The following PCMT1 variants were observed in gnomAD, a reference collection of about 807,000 sequenced individuals.
PCMT1 encodes the protein protein-L-isoaspartate (D-aspartate) O-methyltransferase, also known as protein-L-isoaspartate(D-aspartate) O-methyltransferase.
Under a neutral mutation model 29.2 loss-of-function variants are expected in PCMT1, and 9 were observed. The observed-to-expected ratio is 0.31, with a 90% CI of 0.19 to 0.54. The LOEUF (loss-of-function observed/expected upper bound fraction) is 0.54. PCMT1 is among the 20% of genes least tolerant of loss of function. The probability of loss-of-function intolerance (pLI) is 0.95; values close to 1 mark genes in which losing one functional copy is unlikely to be tolerated. For synonymous variants in PCMT1, 98 were observed against 97.5 expected (o/e 1.00, Z -0.03); for missense variants, 184 against 282.2 (o/e 0.65, Z 2.49).
chr6:149,769,308 CT>C (rs372773939), intron 1 of PCMT1, among the ~76,000 whole-genome samples: 157 of 71,502 alleles, frequency 2.2e-3, no homozygotes, highest in Middle Eastern at 7.8e-3. Flanking sequence ...GTGCAGGATT[CT>C]TTTTTTTTTT....
chr6:149,805,853 A>G (rs907342494), intron 7 of PCMT1, among the ~76,000 whole-genome samples: 2 of 151,780 alleles, frequency 1.3e-5, no homozygotes, highest in Non-Finnish European at 2.9e-5. Flanking sequence ...AGGCAGGAGA[A>G]TCACTTGAAC....
intron 3 of PCMT1, among the ~76,000 whole-genome samples, chr6:149,774,318 C>A (rs1787463998): frequency 6.6e-6 from 1 of 151,564 alleles, no homozygotes; most frequent in African/African-American, 2.4e-5. Context: ...TGGCTTGCTG[C>A]AACCTCCGCC....
intron 6 of PCMT1, among the ~76,000 whole-genome samples, chr6:149,800,534 A>G (rs1260830089): frequency 4.6e-5 from 7 of 152,200 alleles, no homozygotes; most frequent in African/African-American, 1.7e-4. Context: ...TTTCTTCTTT[A>G]ATGTTTTTTA....
intron 1 of PCMT1, among the ~76,000 whole-genome samples, chr6:149,759,094 C>T (rs1414011589): frequency 6.6e-6 from 1 of 152,168 alleles, no homozygotes; most frequent in Non-Finnish European, 1.5e-5. Context: ...CCAGGATGGT[C>T]TCAATCTCTT....
rs180959353 is a variant in PCMT1, at chr6:149,794,327, G to T, written c.418+658G>T. Among the ~76,000 whole-genome samples, 341 of 152,222 alleles carry T rather than the reference G, an allele frequency of 2.2e-3. 1 individual carries two copies. The highest frequency in any genetic ancestry group is 3.5e-3 in the Non-Finnish European group (235 of 68,006). Reference sequence around the variant, plus strand: ...CAGACACACTCAGTTTTGTTTAAAAGATAAAATATTGGCCAGGAGCGGTGG... The same window carrying T: ...CAGACACACTCAGTTTTGTTTAAAATATAAAATATTGGCCAGGAGCGGTGG... On this transcript the variant is annotated intron_variant, in intron 5 of 7. Transcript: ENST00000464889.
chr6:149,783,377 C>T (rs909884163), intron 3 of PCMT1, among the ~76,000 whole-genome samples: 1 of 152,038 alleles, frequency 6.6e-6, no homozygotes, highest in African/African-American at 2.4e-5. Context: ...GTGATCTGCC[C>T]ACCTCAGCCT....
intron 1 of PCMT1, 23 bp from the exon 2 acceptor site, chr6:149,771,139 A>C (rs1442427158): frequency 7.3e-7 from 1 of 1,372,284 alleles, no homozygotes; most frequent in East Asian, 2.3e-5. Context: ...CTCTTCTGAA[A>C]ATATTTGCCT....
At chr6:149,799,407 C>T (rs1788733600) in intron 6 of PCMT1, among the ~76,000 whole-genome samples, 2 of 152,128 alleles carry the variant, frequency 1.3e-5, no homozygotes, top group Admixed American at 6.6e-5. Flanking sequence ...CATTAGAATT[C>T]GTAAGTCAGA....
intron 3 of PCMT1, among the ~76,000 whole-genome samples, chr6:149,781,941 A>G (rs915677128): frequency 1.3e-5 from 2 of 151,864 alleles, no homozygotes; most frequent in Non-Finnish European, 2.9e-5. Flanking sequence ...CCACCATTCT[A>G]TTTTCTGTTT....
chr6:149,754,752 A>G (rs1254830040), intron 1 of PCMT1, among the ~76,000 whole-genome samples: 3 of 152,180 alleles, frequency 2.0e-5, no homozygotes, highest in Admixed American at 2.0e-4. Flanking sequence ...CCGTGACATG[A>G]ATCATCCCTT....
At chr6:149,787,476 C>T (rs1335504722) in intron 3 of PCMT1, among the ~76,000 whole-genome samples, 2 of 151,686 alleles carry the variant, frequency 1.3e-5, no homozygotes, top group Non-Finnish European at 2.9e-5. Flanking sequence ...AAGCGATTCT[C>T]CTGCTTCAGC....
At chr6:149,756,709 A>G (rs933263702) in intron 1 of PCMT1, among the ~76,000 whole-genome samples, 9 of 151,660 alleles carry the variant, frequency 5.9e-5, no homozygotes, top group African/African-American at 2.2e-4. Flanking sequence ...GCACATGGGA[A>G]AAATAGAACC....
intron 6 of PCMT1, among the ~76,000 whole-genome samples, chr6:149,799,661 A>G (rs912460923): frequency 2.6e-5 from 4 of 152,194 alleles, no homozygotes; most frequent in African/African-American, 9.7e-5. Context: ...GAGGGAAGAG[A>G]CAGATAGTAG....
chr6:149,791,157 A>G (rs1788354194), intron 4 of PCMT1, among the ~76,000 whole-genome samples: 1 of 152,116 alleles, frequency 6.6e-6, no homozygotes, highest in Admixed American at 6.6e-5. Flanking sequence ...CCAGTCACTC[A>G]GGAGCCTGAG....
intron 6 of PCMT1, among the ~76,000 whole-genome samples, chr6:149,800,629 G>A (rs931585597): frequency 4.6e-5 from 7 of 152,160 alleles, no homozygotes; most frequent in Non-Finnish European, 8.8e-5. Context: ...GAGTACTCTT[G>A]GTTCTTCATT....
At chr6:149,771,955 G>GTT (rs1787344098) in intron 2 of PCMT1, 1 of 456,210 alleles carries the variant, frequency 2.2e-6, no homozygotes, top group African/African-American at 2.0e-5. Context: ...GTGTGCTTAA[G>GTT]TTATTAATGA....
At chr6:149,764,423 CTAT>C (rs1323650403) in intron 1 of PCMT1, among the ~76,000 whole-genome samples, 2 of 152,000 alleles carry the variant, frequency 1.3e-5, no homozygotes, top group Non-Finnish European at 2.9e-5. Flanking sequence ...AATATCACTG[CTAT>C]TATTACTCTG....
chr6:149,789,912 G>A, intron 3 of PCMT1, 42 bp from the exon 4 acceptor site: 1 of 1,324,110 alleles, frequency 7.6e-7, no homozygotes. Flanking sequence ...ACCATGATGT[G>A]TGTACTTTAG....
chr6:149,809,879 T>C (rs1776116944), intron 7 of PCMT1, among the ~76,000 whole-genome samples: 1 of 152,136 alleles, frequency 6.6e-6, no homozygotes. Context: ...ACCCCTAAAG[T>C]TCTTGTTTTT....
Sources: allele counts gnomAD v4.1 joint callset (sites outside exome capture counted in the v4.1 genomes callset), GRCh38; gene constraint gnomAD v4.1.1; transcripts MANE v1.5; gene names NCBI Gene and HGNC (gene_info 2026-07-23, HGNC 2026-07-21).